The following CECR2 variants were observed in gnomAD, a reference collection of about 807,000 sequenced individuals.
The protein encoded by CECR2 is chromatin remodeling regulator CECR2.
Under a neutral mutation model 154.5 loss-of-function variants are expected in CECR2, and 30 were observed. The ratio of observed to expected loss-of-function variants is 0.19; its 90% CI spans 0.15 to 0.26. The LOEUF is 0.26. Among genes scored for constraint, CECR2 ranks in the 10% least tolerant of loss-of-function variants. CECR2 has a pLI of 1.00. For missense variants in CECR2, 1,743 were observed against 1,829.3 expected (o/e 0.95, Z 0.86); for synonymous variants, 725 against 683.7 (o/e 1.06, Z -0.94).
chr22:17,414,165 G>T (rs542271875), intron 1 of CECR2, among the ~76,000 whole-genome samples: 1 of 150,948 alleles, frequency 6.6e-6, no homozygotes. Context: ...GTAGAGATGG[G>T]ATTTCACTGT....
At chr22:17,482,643 C>T (rs959134981) in intron 2 of CECR2, among the ~76,000 whole-genome samples, 16 of 152,020 alleles carry the variant, frequency 1.1e-4, no homozygotes, top group Admixed American at 2.6e-4. Flanking sequence ...AAACGATCTT[C>T]CCACTTCAGC....
intron 9 of CECR2, among the ~76,000 whole-genome samples, chr22:17,531,931 A>G (rs1040357146): frequency 3.3e-5 from 5 of 152,146 alleles, no homozygotes; most frequent in African/African-American, 1.2e-4. Context: ...CAGTTTGGGA[A>G]GCCAAGGCAG....
chr22:17,518,880 C>T (rs1045035321), intron 8 of CECR2: 2 of 241,920 alleles, frequency 8.3e-6, no homozygotes, highest in South Asian at 6.0e-5. Flanking sequence ...TAGTATCCTT[C>T]CTTCTCCCCC....
chr22:17,378,244 A>G (rs1013157600), intron 1 of CECR2, among the ~76,000 whole-genome samples: 7 of 149,212 alleles, frequency 4.7e-5, no homozygotes, highest in African/African-American at 1.7e-4. Context: ...TGGCCTCCCA[A>G]AGTGCTGGGA....
chr22:17,488,903 G>T (rs1447625526), intron 2 of CECR2, among the ~76,000 whole-genome samples: 3 of 152,126 alleles, frequency 2.0e-5, no homozygotes, highest in African/African-American at 4.8e-5. Flanking sequence ...GTTTCCACCA[G>T]CAATATCTGA....
At chr22:17,373,935 A>C (rs1278293327) in intron 1 of CECR2, among the ~76,000 whole-genome samples, 1 of 152,196 alleles carries the variant, frequency 6.6e-6, no homozygotes, top group Non-Finnish European at 1.5e-5. Context: ...GATTCAAGAA[A>C]AGAAGAAAGG....
At chr22:17,481,065 C>T (rs192125681) in intron 2 of CECR2, among the ~76,000 whole-genome samples, 4 of 109,218 alleles carry the variant, frequency 3.7e-5, no homozygotes, top group South Asian at 2.7e-4. Flanking sequence ...AAAAAAAGGC[C>T]GGGCACGGTG....
chr22:17,538,463 A>C, intron 10 of CECR2, 57 bp from the exon 11 acceptor site: 2 of 1,466,246 alleles, frequency 1.4e-6, no homozygotes, highest in South Asian at 1.1e-5. Context: ...GACCTGAGAG[A>C]GCTCAGGAGA....
chr22:17,454,459 G>T (rs2054822009), intron 1 of CECR2, among the ~76,000 whole-genome samples: 1 of 151,998 alleles, frequency 6.6e-6, no homozygotes, highest in African/African-American at 2.4e-5. Context: ...CAAAAAATTA[G>T]CCAGGTGTGG....
intron 1 of CECR2, among the ~76,000 whole-genome samples, chr22:17,443,008 T>G (rs575847512): frequency 3.2e-4 from 49 of 152,356 alleles, no homozygotes; most frequent in African/African-American, 1.1e-3. Flanking sequence ...ATTGGAATAG[T>G]GGAACCTTTT....
Position 17,488,849 on chromosome 22 carries a change from G to T in CECR2, c.222-8554G>T, listed in dbSNP as rs184779589. On this transcript the variant is annotated intron_variant, in intron 2 of 18. Coordinates refer to ENST00000262608, the MANE Select transcript of CECR2 (RefSeq NM_001290047.2). ...CGGGTCACATGGTAAAAGTATGTTT[G>T]ACTTAAACTGTGAAATTATTTTCCA... is the stretch of plus-strand genomic sequence containing the variant. Among the ~76,000 whole-genome samples, 202 of 152,232 alleles carry T rather than the reference G, an allele frequency of 1.3e-3. 2 individuals are homozygous for T. The highest frequency in any genetic ancestry group is 1.5e-3 in the East Asian group (8 of 5,184).
chr22:17,401,843 C>T (rs1363921435), intron 1 of CECR2, among the ~76,000 whole-genome samples: 4 of 146,038 alleles, frequency 2.7e-5, no homozygotes, highest in African/African-American at 5.2e-5. Context: ...CCCCCGCCCC[C>T]GCTGCCTTTT....
intron 1 of CECR2, among the ~76,000 whole-genome samples, chr22:17,389,911 A>T (rs2063308758): frequency 1.3e-5 from 2 of 152,222 alleles, no homozygotes; most frequent in Non-Finnish European, 2.9e-5. Context: ...TACAGGCATG[A>T]GCCACTGTGC....
rs763909421 is a variant in CECR2, at chr22:17,549,207, A to G, written c.3920A>G (p.Lys1307Arg). 2.5e-6 allele frequency: 4 copies of G among 1,613,990 alleles called. No homozygotes were observed. The highest frequency in any genetic ancestry group is 3.4e-6 in the Non-Finnish European group (4 of 1,179,884). ...LDLDNHNAAT[K>R]RQSSLSASEY... is the part of the protein sequence containing the mutation. ...CTGGACAACCATAACGCAGCTACCA[A>G]GCGGCAGAGCTCGTTGTCAGCCAGC... The change falls in exon 17 of 19, where the codon AAG (lysine) becomes AGG (arginine). Residue 1307 changes from lysine to arginine, a missense_variant. Coordinates refer to ENST00000262608, the MANE Select transcript of CECR2 (RefSeq NM_001290047.2).
At chr22:17,541,531 T>C (rs907524965) in intron 14 of CECR2, among the ~76,000 whole-genome samples, 33 of 152,210 alleles carry the variant, frequency 2.2e-4, no homozygotes, top group African/African-American at 7.5e-4. Flanking sequence ...TGCAACATTA[T>C]AAGATTTCAT....
intron 1 of CECR2, among the ~76,000 whole-genome samples, chr22:17,426,926 T>A (rs1350185811): frequency 6.7e-6 from 1 of 149,434 alleles, no homozygotes; most frequent in South Asian, 2.1e-4. Context: ...GCAGGTTTGT[T>A]ATATAGGTAT....
chr22:17,485,539 CAGGCCG>C (rs1269983767), intron 2 of CECR2, among the ~76,000 whole-genome samples: 1 of 152,154 alleles, frequency 6.6e-6, no homozygotes, highest in East Asian at 1.9e-4. Context: ...GAGGCCGAGG[CAGGCCG>C]CTCACATGAA....
chr22:17,490,695 C>T (rs562122470), intron 2 of CECR2, among the ~76,000 whole-genome samples: 5 of 151,900 alleles, frequency 3.3e-5, no homozygotes, highest in Non-Finnish European at 7.4e-5. Flanking sequence ...ATGATCTGTC[C>T]ACCTCAGCCT....
intron 1 of CECR2, chr22:17,477,051 G>A: frequency 1.4e-6 from 1 of 710,102 alleles, no homozygotes; most frequent in Non-Finnish European, 2.6e-6. Flanking sequence ...CATCAGCCAT[G>A]TAGGTGTGGC....
Sources: gnomAD v4.1 joint callset for allele counts (sites outside exome capture counted in the v4.1 genomes callset) on GRCh38, gnomAD v4.1.1 for gene constraint, MANE v1.5 for transcripts, NCBI Gene and HGNC (gene_info 2026-07-23, HGNC 2026-07-21) for gene names.